SLC38A11: variants seen among roughly 807,000 people sequenced by gnomAD.
SLC38A11 encodes solute carrier family 38 member 11, also known as putative sodium-coupled neutral amino acid transporter 11.
A neutral mutation model predicts 49.4 loss-of-function variants in SLC38A11; 51 were observed. That is an observed-to-expected ratio of 1.03 (90% CI 0.83 to 1.30). The LOEUF is 1.30. Among genes scored for constraint, SLC38A11 ranks in the 50% most tolerant of loss-of-function variants. The pLI is 0.00. For missense variants in SLC38A11, 574 were observed against 556.2 expected, an observed-to-expected ratio of 1.03 and a Z score of -0.32; for synonymous variants, 203 against 192.9, an observed-to-expected ratio of 1.05 and a Z score of -0.43.
At chr2:164,925,361 A>G (rs1686498409) in intron 7 of SLC38A11, among the ~76,000 whole-genome samples, 1 of 152,214 alleles carries the variant, frequency 6.6e-6, no homozygotes, top group African/African-American at 2.4e-5. Context: ...CACAAAACAG[A>G]ATTAAAATAT....
intron 7 of SLC38A11, among the ~76,000 whole-genome samples, chr2:164,932,074 GA>G (rs1271474988): frequency 1.3e-5 from 2 of 151,548 alleles, no homozygotes; most frequent in Non-Finnish European, 1.5e-5. Flanking sequence ...AAATTTACAA[GA>G]AAAAAATAAA....
chr2:164,940,597 A>G (rs1266901987), intron 5 of SLC38A11, among the ~76,000 whole-genome samples: 1 of 151,346 alleles, frequency 6.6e-6, no homozygotes, highest in Non-Finnish European at 1.5e-5. Flanking sequence ...AAACAATGAC[A>G]CTACTTTTCT....
chr2:164,906,280 C>G (rs1430384173), intron 11 of SLC38A11, among the ~76,000 whole-genome samples: 2 of 152,146 alleles, frequency 1.3e-5, no homozygotes, highest in African/African-American at 2.4e-5. Flanking sequence ...ATCTCCACAG[C>G]ATAGGTGAAA....
rs765071451 is a variant in SLC38A11 at position 164,908,636 on chromosome 2, T to C, written c.1095+4A>G. 1.3e-6 allele frequency: 2 copies of C among 1,535,484 alleles called. No individual in the cohort carries two copies. The highest frequency in any genetic ancestry group is 2.8e-5 in the African/African-American group (2 of 72,468). ...TGAAGGGGTAAATCTTTGCACGTAC[T>C]CACATTGAGTTCTAGAACTATCCCG... On this transcript the variant is annotated splice_donor_region_variant and intron_variant, in intron 11 of 11. Transcript: ENST00000685975.
At position 164,895,894 on chromosome 2, in the gene SLC38A11, CT is replaced by C. The variant is rs372211630; in HGVS notation, c.*2542del. The C allele has an allele frequency of 3.6e-3, 547 of 152,306 alleles. 5 individuals carry two copies. Among genetic ancestry groups the C allele is most frequent in the African/African-American group, 0.013 (535 of 41,562 alleles). The allele number at this position is 152,306 out of a possible 1,614,324, so 9.4% of individuals were successfully genotyped here. A position where few individuals can be genotyped will look rare whatever the true frequency, so the allele number is the denominator to read the frequency against. Reference sequence around the variant, plus strand: ...ACACAGATGCTATCCAACTTATATCCTTAAAGGAAGTGTATTGCTAGATGTT... The same window carrying C: ...ACACAGATGCTATCCAACTTATATCCTAAAGGAAGTGTATTGCTAGATGTT... On this transcript the variant is annotated 3_prime_UTR_variant, in exon 12 of 12. Coordinates refer to ENST00000685975, the MANE Select transcript of SLC38A11 (RefSeq NM_001351537.2).
At position 164,955,268 on chromosome 2, in the gene SLC38A11, C is replaced by T. The variant is rs767982122; in HGVS notation, c.-21G>A. ...CCCATGGCTGAGCGGTGGTCCTCAG[C>T]AGGTGGAAGATGCTGGGGCTGGGTA... On this transcript the variant is annotated 5_prime_UTR_variant, in exon 1 of 12. Coordinates refer to ENST00000685975, the MANE Select transcript of SLC38A11 (RefSeq NM_001351537.2). 1.9e-6 allele frequency: 3 copies of T among 1,550,278 alleles called. No homozygotes were observed. Among genetic ancestry groups the T allele is most frequent in the Non-Finnish European group, 2.6e-6 (3 of 1,146,754 alleles).
chr2:164,917,878 ATACC>A (rs1685908994), intron 7 of SLC38A11, among the ~76,000 whole-genome samples: 1 of 152,136 alleles, frequency 6.6e-6, no homozygotes, highest in African/African-American at 2.4e-5. Context: ...GTGTGAAACA[ATACC>A]TAGAGATAAT....
At chr2:164,917,457 C>T (rs886198238) in intron 7 of SLC38A11, among the ~76,000 whole-genome samples, 1 of 152,158 alleles carries the variant, frequency 6.6e-6, no homozygotes, top group African/African-American at 2.4e-5. Context: ...AAGACTTGCT[C>T]CAATTCCCAG....
intron 3 of SLC38A11, among the ~76,000 whole-genome samples, chr2:164,951,624 C>T (rs1291214499): frequency 6.6e-6 from 1 of 152,144 alleles, no homozygotes; most frequent in Non-Finnish European, 1.5e-5. Flanking sequence ...GAAAAAATAG[C>T]TGAGTGTTGG....
At chr2:164,930,996 T>C (rs1009906011) in intron 7 of SLC38A11, among the ~76,000 whole-genome samples, 13 of 151,904 alleles carry the variant, frequency 8.6e-5, no homozygotes, top group African/African-American at 3.1e-4. Context: ...TGATCCTATA[T>C]CTAGAAAACC....
intron 7 of SLC38A11, among the ~76,000 whole-genome samples, chr2:164,918,137 A>C (rs991931657): frequency 9.2e-5 from 14 of 152,038 alleles, no homozygotes; most frequent in African/African-American, 3.1e-4. Flanking sequence ...GAGATTGCTG[A>C]AACTTTGATA....
intron 7 of SLC38A11, among the ~76,000 whole-genome samples, chr2:164,919,617 T>C (rs1686039586): frequency 6.6e-6 from 1 of 152,162 alleles, no homozygotes; most frequent in Non-Finnish European, 1.5e-5. Flanking sequence ...GATGCTCAAG[T>C]CCCTGATATA....
chr2:164,915,534 A>T (rs1382426467), intron 8 of SLC38A11: 1 of 433,732 alleles, frequency 2.3e-6, no homozygotes, highest in African/African-American at 2.0e-5. Flanking sequence ...TCCTTTTCCT[A>T]ATGACCCTTC....
chr2:164,952,810 C>T (rs1688614937), intron 2 of SLC38A11, 29 bp from the exon 3 acceptor site: 4 of 1,537,182 alleles, frequency 2.6e-6, no homozygotes, highest in Middle Eastern at 3.4e-4. Flanking sequence ...CCCCACCCTT[C>T]ACATTAACAA....
intron 7 of SLC38A11, among the ~76,000 whole-genome samples, chr2:164,918,211 T>C (rs1315844057): frequency 6.6e-6 from 1 of 152,086 alleles, no homozygotes; most frequent in East Asian, 1.9e-4. Flanking sequence ...TGCTGAAATA[T>C]GAAATCAAAT....
intron 5 of SLC38A11, among the ~76,000 whole-genome samples, chr2:164,940,777 T>C (rs1687714919): frequency 6.6e-6 from 1 of 151,022 alleles, no homozygotes; most frequent in African/African-American, 2.4e-5. Context: ...TGTGTGTGTA[T>C]ATATATTATA....
chr2:164,894,953 T>C lies in SLC38A11; in HGVS notation c.*3484A>G, dbSNP rs927894433. ...TGGCTCCATCTGGCACTTTCTTATG[T>C]CCAACTTCCAGCCTTTTTCAAACGT... On this transcript the variant is annotated 3_prime_UTR_variant, in exon 12 of 12. Coordinates refer to ENST00000685975, the MANE Select transcript of SLC38A11 (RefSeq NM_001351537.2). 2.0e-5 allele frequency among the ~76,000 whole-genome samples: 3 copies of C among 152,112 alleles called. No individual in the cohort carries two copies. Among genetic ancestry groups the C allele is most frequent in the African/African-American group, 7.2e-5 (3 of 41,436 alleles).
chr2:164,949,721 G>T (rs1688388604), intron 3 of SLC38A11, among the ~76,000 whole-genome samples: 2 of 152,308 alleles, frequency 1.3e-5, no homozygotes, highest in South Asian at 4.1e-4. Context: ...GGAATGTCAG[G>T]CAGGAGGACT....
At chr2:164,935,532 A>G (rs969039869) in intron 7 of SLC38A11, among the ~76,000 whole-genome samples, 2 of 150,768 alleles carry the variant, frequency 1.3e-5, no homozygotes, top group Non-Finnish European at 3.0e-5. Flanking sequence ...AGAAAGAAAG[A>G]AAAAATTAGC....
Sources: allele counts gnomAD v4.1 joint callset (sites outside exome capture counted in the v4.1 genomes callset), GRCh38; gene constraint gnomAD v4.1.1; transcripts MANE v1.5; gene names NCBI Gene and HGNC (gene_info 2026-07-23, HGNC 2026-07-21).